ATR: variants seen among roughly 807,000 people sequenced by gnomAD.
ATR encodes serine/threonine-protein kinase ATR.
Under a neutral mutation model 305.3 loss-of-function variants are expected in ATR, and 142 were observed. The observed-to-expected ratio is 0.47, with a 90% confidence interval of 0.41 to 0.53. The LOEUF (loss-of-function observed/expected upper bound fraction) is 0.53. Ranked by LOEUF, ATR falls within the 20% of genes least tolerant of loss-of-function variation. The probability of loss-of-function intolerance (pLI) is 0.00; values close to 1 mark genes in which losing one functional copy is unlikely to be tolerated. For synonymous variants in ATR, 1,050 were observed against 1,068.1 expected, an observed-to-expected ratio of 0.98 and a Z score of 0.33; for missense variants, 2,135 against 3,133.1, an observed-to-expected ratio of 0.68 and a Z score of 7.60.
chr3:142,530,311 C>T (rs890957353), intron 21 of ATR, among the ~76,000 whole-genome samples: 43 of 151,962 alleles, frequency 2.8e-4, no homozygotes, highest in African/African-American at 1.0e-3. Flanking sequence ...TTTCATGCAA[C>T]TTTTTTTATA....
At chr3:142,555,728 C>T (rs532740384) in intron 10 of ATR, 149 bp downstream of exon 10, 1 of 980,040 alleles carries the variant, frequency 1.0e-6, no homozygotes, top group South Asian at 1.9e-5. Context: ...TACCAGTTAT[C>T]CCATTTATAA....
At chr3:142,484,980 A>T (rs1577548759) in intron 36 of ATR, among the ~76,000 whole-genome samples, 160 bp downstream of exon 36, 1 of 152,210 alleles carries the variant, frequency 6.6e-6, no homozygotes, top group Non-Finnish European at 1.5e-5. Flanking sequence ...TGAAGAAAAA[A>T]GTTGCATAAA....
chr3:142,532,319 A>T (rs576352234), intron 21 of ATR, among the ~76,000 whole-genome samples: 25 of 152,164 alleles, frequency 1.6e-4, no homozygotes, highest in Non-Finnish European at 3.1e-4. Flanking sequence ...AGAATTCTGC[A>T]TTGCCATAAA....
At chr3:142,459,958 T>C (rs746707097) in intron 42 of ATR, among the ~76,000 whole-genome samples, 5 of 152,068 alleles carry the variant, frequency 3.3e-5, no homozygotes, top group Non-Finnish European at 7.4e-5. Flanking sequence ...CATATCAATA[T>C]ATATGTATAT....
chr3:142,516,984 AATATAT>A (rs534243837), intron 24 of ATR, among the ~76,000 whole-genome samples: 7 of 139,130 alleles, frequency 5.0e-5, no homozygotes, highest in Non-Finnish European at 1.1e-4. Flanking sequence ...ATACCCAAAT[AATATAT>A]ATATATATAT....
At chr3:142,476,359 C>A (rs2071448767) in intron 36 of ATR, among the ~76,000 whole-genome samples, 1 of 151,984 alleles carries the variant, frequency 6.6e-6, no homozygotes, top group Non-Finnish European at 1.5e-5. Flanking sequence ...GAATCCTTTC[C>A]CCATTTCTTG....
intron 16 of ATR, among the ~76,000 whole-genome samples, chr3:142,545,780 A>G (rs1051556686): frequency 1.3e-5 from 2 of 152,156 alleles, no homozygotes; most frequent in African/African-American, 4.8e-5. Context: ...CATTAATTAT[A>G]AAAGGATAAA....
intron 25 of ATR, among the ~76,000 whole-genome samples, chr3:142,514,401 G>C (rs1486774351): frequency 1.3e-5 from 2 of 151,870 alleles, no homozygotes; most frequent in East Asian, 3.9e-4. Flanking sequence ...GGGCAGAGGC[G>C]GGCAGATCAC....
In ATR at chr3:142,538,504, G is replaced by T. The variant is rs758340364; in HGVS notation, c.3703C>A (p.His1235Asn). The T allele has an allele frequency of 6.2e-7, 1 of 1,612,870 alleles. No individual in the cohort carries two copies. Residue 1235 changes from histidine to asparagine, a missense_variant, in exon 19 of 47, where the codon CAC (histidine) becomes AAC (asparagine). This residue lies in a region of ATR where 530 missense variants were observed against 766.8 expected (regional missense o/e 0.69). Transcript: ENST00000350721. ...TACCTGTTTTCAATTATGAGGTAGT[G>T]GAAGATAGCTGCAGTTTCTTTAGGC... ...IQPKETAAIF[H>N]YLIIENRDAV...
chr3:142,555,545 G>GT (rs1194032716), intron 10 of ATR, among the ~76,000 whole-genome samples: 1 of 152,134 alleles, frequency 6.6e-6, no homozygotes, highest in Non-Finnish European at 1.5e-5. Context: ...GTCCAAGGTT[G>GT]TAACAGGGGG....
At chr3:142,462,277 A>G (rs1366577579) in intron 41 of ATR, among the ~76,000 whole-genome samples, 187 bp from the exon 42 acceptor site, 1 of 152,188 alleles carries the variant, frequency 6.6e-6, no homozygotes. Flanking sequence ...TCTCTAATCT[A>G]TTTACAGATT....
intron 10 of ATR, among the ~76,000 whole-genome samples, chr3:142,554,908 A>G (rs1244414648): frequency 1.3e-5 from 2 of 151,590 alleles, no homozygotes; most frequent in African/African-American, 2.4e-5. Context: ...AGCCTGGGTG[A>G]CAGAGCAAGA....
chr3:142,454,194 G>A (rs2070852254), intron 45 of ATR, among the ~76,000 whole-genome samples: 1 of 152,106 alleles, frequency 6.6e-6, no homozygotes. Context: ...TTCTCAGGCA[G>A]GCCATGACTT....
At chr3:142,496,930 TAAGA>T in intron 33 of ATR, 79 bp downstream of exon 33, 1 of 1,454,530 alleles carries the variant, frequency 6.9e-7, no homozygotes, top group Non-Finnish European at 9.4e-7. Flanking sequence ...GACAGAAAAT[TAAGA>T]AATACAAACA....
At chr3:142,518,597 T>G (rs1291189223) in intron 24 of ATR, among the ~76,000 whole-genome samples, 1 of 152,164 alleles carries the variant, frequency 6.6e-6, no homozygotes, top group Non-Finnish European at 1.5e-5. Context: ...TCTTTAATAA[T>G]GCTAGTCATA....
At chr3:142,531,694 T>G (rs1024512669) in intron 21 of ATR, among the ~76,000 whole-genome samples, 7 of 152,242 alleles carry the variant, frequency 4.6e-5, no homozygotes, top group African/African-American at 1.4e-4. Context: ...TTTGCTATTG[T>G]GAATAGTGCT....
Position 142,562,288 on chromosome 3 carries a change from C to T in ATR, c.1114G>A (p.Val372Met). The T allele has an allele frequency of 6.2e-7, 1 of 1,614,094 alleles. No homozygotes were observed. Among genetic ancestry groups the T allele is most frequent in the Non-Finnish European group, 8.5e-7 (1 of 1,179,974 alleles). Reference sequence around the variant, plus strand: ...AAAAGAGCTTTACAAATATTTCTCACATAGACCTTCCTGACTTGTAAAGCA... The same window carrying T: ...AAAAGAGCTTTACAAATATTTCTCATATAGACCTTCCTGACTTGTAAAGCA... The part of the protein sequence containing the change: ...ESALQVRKVY[V>M]RNICKALLDV... The change falls in exon 4 of 47, where the codon GTG (valine) becomes ATG (methionine). Residue 372 changes from valine to methionine, a missense_variant. Transcript: ENST00000350721.
At chr3:142,506,631 G>A (rs1441078661) in intron 28 of ATR, among the ~76,000 whole-genome samples, 1 of 152,166 alleles carries the variant, frequency 6.6e-6, no homozygotes, top group African/African-American at 2.4e-5. Context: ...AGGTTGCAGT[G>A]AGCCGAGCTC....
chr3:142,486,979 A>G (rs574982266), intron 35 of ATR, among the ~76,000 whole-genome samples: 1 of 149,990 alleles, frequency 6.7e-6, no homozygotes, highest in South Asian at 2.1e-4. Flanking sequence ...AAAAAAAAAA[A>G]AACAATTAGC....
Sources: allele counts gnomAD v4.1 joint callset (sites outside exome capture counted in the v4.1 genomes callset), GRCh38; gene constraint gnomAD v4.1.1; regional missense constraint gnomAD v4.1.1; transcripts MANE v1.5; gene names NCBI Gene and HGNC (gene_info 2026-07-23, HGNC 2026-07-21).